TNS3: variants seen among roughly 807,000 people sequenced by gnomAD.
TNS3 encodes tensin-3.
A neutral mutation model predicts 140.9 loss-of-function variants in TNS3; 45 were observed. The ratio of observed to expected loss-of-function variants is 0.32; its 90% CI spans 0.25 to 0.41. The LOEUF (loss-of-function observed/expected upper bound fraction) is 0.41. Among genes scored for constraint, TNS3 ranks in the 10% least tolerant of loss-of-function variants. The pLI is 1.00. For missense variants in TNS3, 1,716 were observed against 1,906.7 expected (o/e 0.90, Z 1.86); for synonymous variants, 815 against 788.4 (o/e 1.03, Z -0.56).
At chr7:47,296,987 G>C in intron 24 of TNS3, 95 bp downstream of exon 24, 1 of 1,475,886 alleles carries the variant, frequency 6.8e-7, no homozygotes, top group African/African-American at 1.4e-5. Flanking sequence ...TGTGAGTATT[G>C]TTAAAGTCAT....
chr7:47,528,901 G>A (rs533888070), intron 2 of TNS3, 135 bp downstream of exon 2: 1 of 407,740 alleles, frequency 2.5e-6, no homozygotes, highest in Admixed American at 4.3e-5. Context: ...GGGGTAGGGG[G>A]TTGGGGGACA....
At chr7:47,283,639 G>C in intron 28 of TNS3, 58 bp downstream of exon 28, 1 of 1,450,868 alleles carries the variant, frequency 6.9e-7, no homozygotes, top group Non-Finnish European at 9.1e-7. Context: ...GGAAGAACAA[G>C]AGGAACGTGA....
chr7:47,419,077 C>T (rs1042373974), intron 10 of TNS3, among the ~76,000 whole-genome samples: 6 of 152,270 alleles, frequency 3.9e-5, no homozygotes, highest in African/African-American at 1.4e-4. Flanking sequence ...TGAGCATTCC[C>T]TTCCCTCTCA....
chr7:47,296,874 T>C (rs1009970458), intron 24 of TNS3, among the ~76,000 whole-genome samples: 1 of 152,202 alleles, frequency 6.6e-6, no homozygotes, highest in African/African-American at 2.4e-5. Context: ...GGATTACCTA[T>C]TCAAAACAAT....
At chr7:47,519,969 G>A (rs538721472) in intron 2 of TNS3, among the ~76,000 whole-genome samples, 4 of 151,724 alleles carry the variant, frequency 2.6e-5, no homozygotes, top group East Asian at 3.9e-4. Flanking sequence ...GACTACAGGC[G>A]CCCGCCACCA....
At chr7:47,302,369 A>G (rs1416738780) in intron 22 of TNS3, 97 bp from the exon 23 acceptor site, 1 of 979,318 alleles carries the variant, frequency 1.0e-6, no homozygotes, top group African/African-American at 1.6e-5. Context: ...TCCCATGCCA[A>G]GGGCAAGCAA....
intron 4 of TNS3, among the ~76,000 whole-genome samples, chr7:47,464,450 G>T: frequency 6.6e-6 from 1 of 152,106 alleles, no homozygotes; most frequent in Non-Finnish European, 1.5e-5. Context: ...TACGCCCCGA[G>T]CACCCTCAAC....
At chr7:47,300,294 A>G (rs11764487) in intron 23 of TNS3, among the ~76,000 whole-genome samples, 63,339 of 151,994 alleles carry the variant, frequency 0.42, 13,430 homozygotes, top group South Asian at 0.51. Flanking sequence ...AGAAAATGAA[A>G]GTTATCCTTT....
Position 47,358,865 on chromosome 7 carries a change from A to G in TNS3, c.2281+9500T>C, listed in dbSNP as rs1790156996. On this transcript the variant is annotated intron_variant, in intron 17 of 30. Coordinates refer to ENST00000311160, the MANE Select transcript of TNS3 (RefSeq NM_022748.12). ...AAATTAGCAGTTCCCCTGAGCCAGC[A>G]CTCAGGCCGTTAGGGTCACACAGAT... Among the ~76,000 whole-genome samples, 3 of 152,242 alleles carry G rather than the reference A, an allele frequency of 2.0e-5. No homozygotes were observed. In the South Asian group the frequency reaches 6.2e-4, roughly 32 times the overall value.
chr7:47,502,741 GA>G (rs1798273333), intron 3 of TNS3, among the ~76,000 whole-genome samples: 1 of 152,256 alleles, frequency 6.6e-6, no homozygotes, highest in Non-Finnish European at 1.5e-5. Context: ...GTAGCACCGG[GA>G]CAGTGGAAGA....
chr7:47,569,728 T>C (rs1800510424), intron 1 of TNS3, among the ~76,000 whole-genome samples: 1 of 148,092 alleles, frequency 6.8e-6, no homozygotes, highest in Non-Finnish European at 1.5e-5. Context: ...GTGATGGTCA[T>C]CTGTAATCCC....
intron 16 of TNS3, among the ~76,000 whole-genome samples, chr7:47,378,302 C>A (rs1263542428): frequency 6.6e-6 from 1 of 152,168 alleles, no homozygotes; most frequent in Non-Finnish European, 1.5e-5. Context: ...AGTGAGTACA[C>A]AGAACGCAGG....
At chr7:47,526,665 G>C (rs757253898) in intron 2 of TNS3, among the ~76,000 whole-genome samples, 3 of 152,224 alleles carry the variant, frequency 2.0e-5, no homozygotes, top group Admixed American at 6.5e-5. Context: ...ACCTTCGGCT[G>C]TGCAACTTTG....
At chr7:47,520,452 A>G (rs1346462841) in intron 2 of TNS3, among the ~76,000 whole-genome samples, 1 of 152,194 alleles carries the variant, frequency 6.6e-6, no homozygotes, top group Non-Finnish European at 1.5e-5. Flanking sequence ...CACCAGCACA[A>G]TCAACTAACA....
intron 16 of TNS3, among the ~76,000 whole-genome samples, chr7:47,379,836 C>T (rs1337855494): frequency 6.6e-6 from 1 of 152,202 alleles, no homozygotes; most frequent in Admixed American, 6.5e-5. Context: ...CTGAGACTGC[C>T]GGAGGGCGCT....
chr7:47,283,764 G>A lies in TNS3; in HGVS notation c.4030C>T (p.Pro1344Ser). ...LSITLVQEPP[P>S]VSTVVHFKVS... ...TTGAAGTGCACAACTGTGGACACAG[G>A]TGGAGGCTCCTGGACCAGGGTGATG... The change falls in exon 28 of 31, where the codon CCT (proline) becomes TCT (serine). Residue 1344 changes from proline (P) to serine (S), a missense_variant. Physicochemically the swap from Pro to Ser is moderately conservative, Grantham distance 74. Around this residue, in one of 3 missense-constraint regions of TNS3, gnomAD observed 216 missense variants for 295.7 expected, o/e 0.73. Transcript: ENST00000311160. 1.2e-6 allele frequency: 2 copies of A among 1,611,902 alleles called. No individual in the cohort carries two copies. The highest frequency in any genetic ancestry group is 8.5e-7 in the Non-Finnish European group (1 of 1,178,986).
chr7:47,392,884 C>A (rs746767618), intron 16 of TNS3, among the ~76,000 whole-genome samples: 18 of 152,344 alleles, frequency 1.2e-4, no homozygotes, highest in Admixed American at 6.5e-4. Flanking sequence ...AGGACCCAAG[C>A]CTGGGGATTC....
chr7:47,572,230 G>T (rs1010436744), intron 1 of TNS3, among the ~76,000 whole-genome samples: 1 of 152,236 alleles, frequency 6.6e-6, no homozygotes, highest in African/African-American at 2.4e-5. Flanking sequence ...TCCCTCCAGG[G>T]CGTTCTGAGA....
chr7:47,336,034 A>T (rs777075802), intron 20 of TNS3, among the ~76,000 whole-genome samples: 2 of 152,184 alleles, frequency 1.3e-5, no homozygotes, highest in Non-Finnish European at 2.9e-5. Flanking sequence ...GAGTGTTGTT[A>T]TCACAGAGCT....
Sources: gnomAD v4.1 joint callset for allele counts (sites outside exome capture counted in the v4.1 genomes callset) on GRCh38, gnomAD v4.1.1 for gene constraint, gnomAD v4.1.1 regional missense constraint, MANE v1.5 for transcripts, NCBI Gene and HGNC (gene_info 2026-07-23, HGNC 2026-07-21) for gene names.